The following XPO7 variants were observed in gnomAD, a reference collection of about 807,000 sequenced individuals.
XPO7 encodes the protein exportin-7.
XPO7 carries 21 observed loss-of-function variants against 144.3 expected under a neutral mutation model. That is an observed-to-expected ratio of 0.15 (90% CI 0.10 to 0.21). The LOEUF is 0.21. Among genes scored for constraint, XPO7 ranks in the 10% least tolerant of loss-of-function variants. The pLI is 1.00. For synonymous variants in XPO7, 580 were observed against 499.6 expected, an observed-to-expected ratio of 1.16 and a Z score of -2.15; for missense variants, 808 against 1,325.8, an observed-to-expected ratio of 0.61 and a Z score of 6.06.
chr8:22,005,381 C>T lies in XPO7; in HGVS notation c.*293C>T, dbSNP rs1813294175. On this transcript the variant is annotated 3_prime_UTR_variant, in exon 28 of 28. Coordinates refer to ENST00000252512, the MANE Select transcript of XPO7 (RefSeq NM_015024.5). Reference sequence around the variant, plus strand: ...CCTGGGGCCACCCAAGTGGGGAGAACCCCTAGTGTCCTGCCACAACCTGCC... The same window carrying T: ...CCTGGGGCCACCCAAGTGGGGAGAATCCCTAGTGTCCTGCCACAACCTGCC... The T allele has an allele frequency of 3.7e-6, 1 of 271,506 alleles. No individual in the cohort carries two copies. Among genetic ancestry groups the T allele is most frequent in the Admixed American group, 5.3e-5 (1 of 18,878 alleles). 16.8% of individuals were successfully genotyped at this position (271,506 alleles called of 1,614,324 possible).
chr8:21,985,735 C>G (rs1812557185), intron 13 of XPO7, 44 bp downstream of exon 13: 1 of 1,542,516 alleles, frequency 6.5e-7, no homozygotes. Context: ...CTTGCTGGCA[C>G]TTCTCCACTC....
chr8:21,986,644 C>T (rs377201813), intron 13 of XPO7, among the ~76,000 whole-genome samples: 27 of 152,110 alleles, frequency 1.8e-4, no homozygotes, highest in East Asian at 7.7e-4. Flanking sequence ...ATTCTGCAGC[C>T]GAGTTCAATA....
chr8:21,930,896 C>T (rs185675695), intron 1 of XPO7, among the ~76,000 whole-genome samples: 2 of 152,242 alleles, frequency 1.3e-5, no homozygotes, highest in Admixed American at 6.5e-5. Flanking sequence ...TGCAGTGTTG[C>T]GATCTCCGAT....
chr8:21,975,026 C>G (rs1356468529), intron 6 of XPO7, among the ~76,000 whole-genome samples: 2 of 152,180 alleles, frequency 1.3e-5, no homozygotes, highest in South Asian at 2.1e-4. Context: ...GAGCATTTAT[C>G]CCATACTCCT....
chr8:21,990,547 G>A (rs1001132973), intron 17 of XPO7, 140 bp downstream of exon 17: 21 of 981,626 alleles, frequency 2.1e-5, no homozygotes, highest in African/African-American at 3.2e-5. Context: ...GATACTGCCA[G>A]ATTATACTTA....
chr8:21,986,163 A>T (rs1177555605), intron 13 of XPO7, among the ~76,000 whole-genome samples: 1 of 132,332 alleles, frequency 7.6e-6, no homozygotes, highest in Non-Finnish European at 1.6e-5. Context: ...TTGGAGATGG[A>T]GTCTCGCTCT....
At chr8:21,957,369 G>A (rs1811570722) in intron 1 of XPO7, among the ~76,000 whole-genome samples, 1 of 151,890 alleles carries the variant, frequency 6.6e-6, no homozygotes, top group African/African-American at 2.4e-5. Flanking sequence ...CTCCTTCTTT[G>A]GGCCACCCCA....
intron 1 of XPO7, among the ~76,000 whole-genome samples, chr8:21,965,645 G>A (rs914982436): frequency 1.3e-5 from 2 of 152,132 alleles, no homozygotes; most frequent in Non-Finnish European, 2.9e-5. Context: ...CATCGTTCTT[G>A]TTTCCTTTCA....
chr8:21,940,328 T>C lies in XPO7; in HGVS notation c.18+20540T>C, dbSNP rs1165179796. ...TAAATAGTAGATGAGTAATAAAATGTTAAGTGTATTCTGATTAATAACTGA... is the reference window on the plus strand; with the variant it reads ...TAAATAGTAGATGAGTAATAAAATGCTAAGTGTATTCTGATTAATAACTGA... On this transcript the variant is annotated intron_variant, in intron 1 of 27. Coordinates refer to ENST00000252512, the MANE Select transcript of XPO7 (RefSeq NM_015024.5). Among the ~76,000 whole-genome samples the C allele has an allele frequency of 2.0e-5, 3 of 152,330 alleles. No homozygotes were observed. In the East Asian group the frequency reaches 5.8e-4, roughly 29 times the overall value.
chr8:21,998,673 G>T, intron 21 of XPO7, 82 bp from the exon 22 acceptor site: 2 of 1,151,546 alleles, frequency 1.7e-6, no homozygotes, highest in Non-Finnish European at 2.6e-6. Flanking sequence ...GATCACCCAA[G>T]GTACTCAGAT....
rs1812518207 is a variant in XPO7, at chr8:21,984,649, T to C, written c.1281T>C (p.Asp427=). ...TTCCTTCTTCCCTTGGGAATAGAGA[T>C]GGCCTGGAAGATCCCCTGGAGGATA... is the stretch of plus-strand genomic sequence containing the variant. ...RLESVHIILR[D]GLEDPLEDTG... The change falls in exon 12 of 28, where the codon GAT becomes GAC. Residue 427 remains aspartate (D), a synonymous_variant. Coordinates refer to ENST00000252512, the MANE Select transcript of XPO7 (RefSeq NM_015024.5). The C allele has an allele frequency of 2.5e-6, 4 of 1,610,744 alleles. No homozygotes were observed. The highest frequency in any genetic ancestry group is 2.5e-6 in the Non-Finnish European group (3 of 1,178,456).
At position 21,970,292 on chromosome 8, in the gene XPO7, C is replaced by T. The variant is rs918639285; in HGVS notation, c.408C>T (p.Asp136=). The change falls in exon 4 of 28, where the codon GAC becomes GAT. Residue 136 remains aspartate, a synonymous_variant. Transcript: ENST00000252512. ...DDYVFRNAIT[D]VTRFLQDSVE... ...ATGTCTTCAGAAATGCAATCACAGA[C>T]GTCACAAGGTTTTTACAGGTACAGT... is the stretch of plus-strand genomic sequence containing the variant. The T allele has an allele frequency of 4.3e-6, 7 of 1,613,060 alleles. No individual in the cohort carries two copies. Among genetic ancestry groups the T allele is most frequent in the African/African-American group, 2.7e-5 (2 of 74,744 alleles).
intron 1 of XPO7, among the ~76,000 whole-genome samples, chr8:21,921,040 T>G (rs1252778154): frequency 1.3e-5 from 2 of 152,146 alleles, no homozygotes; most frequent in African/African-American, 4.8e-5. Context: ...GACAGAATTA[T>G]AGCAAGAAAC....
chr8:21,920,116 C>G (rs961471927), intron 1 of XPO7, among the ~76,000 whole-genome samples: 1 of 150,690 alleles, frequency 6.6e-6, no homozygotes, highest in South Asian at 2.1e-4. Flanking sequence ...GTCCTCGGGC[C>G]CCCCCGCCCG....
intron 1 of XPO7, among the ~76,000 whole-genome samples, chr8:21,955,089 G>T (rs1163307374): frequency 6.6e-6 from 1 of 152,176 alleles, no homozygotes; most frequent in East Asian, 1.9e-4. Context: ...GCAAATTTGG[G>T]TTCTCAAATA....
At chr8:21,951,936 G>A (rs752987669) in intron 1 of XPO7, among the ~76,000 whole-genome samples, 2 of 152,166 alleles carry the variant, frequency 1.3e-5, no homozygotes, top group Non-Finnish European at 2.9e-5. Flanking sequence ...ATCAAGATAG[G>A]AGGGATTGGT....
At position 21,990,474 on chromosome 8, in the gene XPO7, A is replaced by AG; in HGVS notation, c.1932+69dup. On this transcript the variant is annotated intron_variant, in intron 17 of 27. Transcript: ENST00000252512. ...ACACATACACTTTCTCGACACATAA[A>AG]GGAGATATGTAAACTGAGGTCCCGG... The AG allele has an allele frequency of 7.7e-6, 12 of 1,563,822 alleles. No individual in the cohort carries two copies. In the South Asian group the frequency reaches 1.3e-4, roughly 17 times the overall value.
At chr8:21,983,130 T>C (rs748006264) in intron 11 of XPO7, among the ~76,000 whole-genome samples, 3 of 152,354 alleles carry the variant, frequency 2.0e-5, no homozygotes, top group South Asian at 2.1e-4. Context: ...TTATAAGATA[T>C]AGATGATAAG....
At chr8:21,994,994 C>T (rs1181757130) in intron 20 of XPO7, among the ~76,000 whole-genome samples, 1 of 151,898 alleles carries the variant, frequency 6.6e-6, no homozygotes, top group Non-Finnish European at 1.5e-5. Context: ...GCGGAGCTTG[C>T]AGTGAGCCGA....
Sources: allele counts gnomAD v4.1 joint callset (sites outside exome capture counted in the v4.1 genomes callset), GRCh38; gene constraint gnomAD v4.1.1; transcripts MANE v1.5; gene names NCBI Gene and HGNC (gene_info 2026-07-23, HGNC 2026-07-21).